The following DENND1B variants were observed in gnomAD, a reference collection of about 807,000 sequenced individuals.
DENND1B encodes the protein DENN domain-containing protein 1B.
A neutral mutation model predicts 90.1 loss-of-function variants in DENND1B; 59 were observed. That is an observed-to-expected ratio of 0.65 (90% CI 0.53 to 0.81). The LOEUF (loss-of-function observed/expected upper bound fraction) is 0.81, where lower values mean the gene tolerates loss of function less well. DENND1B is among the 40% of genes least tolerant of loss of function. The probability of loss-of-function intolerance (pLI) is 0.00; values close to 1 mark genes in which losing one functional copy is unlikely to be tolerated. For missense variants in DENND1B, 862 were observed against 912.6 expected, an observed-to-expected ratio of 0.94 and a Z score of 0.71; for synonymous variants, 337 against 324.6, an observed-to-expected ratio of 1.04 and a Z score of -0.41.
intron 14 of DENND1B, among the ~76,000 whole-genome samples, chr1:197,584,225 A>G (rs899350190): frequency 2.0e-5 from 3 of 152,204 alleles, no homozygotes; most frequent in Non-Finnish European, 4.4e-5. Flanking sequence ...GATATCTTTA[A>G]GTACAATTCT....
At chr1:197,725,727 G>C (rs77576625) in intron 2 of DENND1B, among the ~76,000 whole-genome samples, 3,742 of 151,830 alleles carry the variant, frequency 0.025, 152 homozygotes, top group African/African-American at 0.085. Context: ...AGAGTTAAGG[G>C]GGAACAAGCA....
intron 20 of DENND1B, among the ~76,000 whole-genome samples, chr1:197,523,971 A>AT (rs1668961417): frequency 6.6e-6 from 1 of 151,916 alleles, no homozygotes; most frequent in Non-Finnish European, 1.5e-5. Flanking sequence ...AAGTCAAGTG[A>AT]TAAAAAAAAC....
chr1:197,677,017 C>A (rs917364118), intron 3 of DENND1B, among the ~76,000 whole-genome samples: 3 of 151,770 alleles, frequency 2.0e-5, no homozygotes, highest in African/African-American at 7.3e-5. Flanking sequence ...CAAAAAAAAA[C>A]ACTAACGTTT....
intron 15 of DENND1B, among the ~76,000 whole-genome samples, chr1:197,576,728 C>A (rs1038686826): frequency 3.3e-5 from 5 of 151,964 alleles, no homozygotes; most frequent in African/African-American, 9.7e-5. Flanking sequence ...CCATGGGGGG[C>A]ACTTTTTTGG....
chr1:197,778,619 G>A (rs569871728), upstream of DENND1B, among the ~76,000 whole-genome samples: 2 of 152,096 alleles, frequency 1.3e-5, no homozygotes, highest in Admixed American at 6.5e-5. Context: ...AGAGGTTGCA[G>A]TGAGCCAAGA....
chr1:197,576,511 T>C (rs1001482891), intron 15 of DENND1B, among the ~76,000 whole-genome samples: 13 of 152,200 alleles, frequency 8.5e-5, no homozygotes, highest in Non-Finnish European at 1.9e-4. Flanking sequence ...AAATTTTAGT[T>C]TTATTTTAAT....
intron 10 of DENND1B, among the ~76,000 whole-genome samples, chr1:197,641,982 G>A (rs1680308937): frequency 6.6e-6 from 1 of 151,860 alleles, no homozygotes; most frequent in Non-Finnish European, 1.5e-5. Flanking sequence ...ATACATCATA[G>A]ATTATCTAAA....
intron 2 of DENND1B, among the ~76,000 whole-genome samples, chr1:197,727,914 C>T (rs907327537): frequency 3.9e-5 from 6 of 152,112 alleles, no homozygotes; most frequent in African/African-American, 1.4e-4. Flanking sequence ...GAAAGTTCTT[C>T]CCAATGTCCA....
chr1:197,746,932 C>T, intron 2 of DENND1B: 2 of 1,499,640 alleles, frequency 1.3e-6, no homozygotes, highest in Non-Finnish European at 1.9e-6. Context: ...GCTGGTTTTT[C>T]TGAGTTCCTC....
intron 3 of DENND1B, among the ~76,000 whole-genome samples, chr1:197,706,369 G>A (rs964896426): frequency 6.6e-6 from 1 of 152,058 alleles, no homozygotes; most frequent in African/African-American, 2.4e-5. Flanking sequence ...TGTTGCGTTG[G>A]GCAAAGATTT....
intron 15 of DENND1B, among the ~76,000 whole-genome samples, chr1:197,575,781 A>G (rs756313505): frequency 6.6e-6 from 1 of 152,224 alleles, no homozygotes; most frequent in Non-Finnish European, 1.5e-5. Context: ...TGTCCTTTGC[A>G]GGGACATGGA....
At position 197,706,666 on chromosome 1, in the gene DENND1B, C is replaced by A. The variant is rs563872308; in HGVS notation, c.126+8365G>T. Reference sequence around the variant, plus strand: ...AAGACATAAAAATGGCCAACAGGCACATCAAACAATCTCAGCATCACTAAT... The same window carrying A: ...AAGACATAAAAATGGCCAACAGGCAAATCAAACAATCTCAGCATCACTAAT... On this transcript the variant is annotated intron_variant, in intron 3 of 22. Coordinates refer to ENST00000620048, the MANE Select transcript of DENND1B (RefSeq NM_001195215.2). Among the ~76,000 whole-genome samples, 3 of 152,190 alleles carry A rather than the reference C, an allele frequency of 2.0e-5. No homozygotes were observed. The East Asian group carries it at 5.8e-4, about 29-fold the overall frequency.
chr1:197,725,985 G>GAT (rs910467949), intron 2 of DENND1B, among the ~76,000 whole-genome samples: 48 of 150,620 alleles, frequency 3.2e-4, no homozygotes, highest in African/African-American at 8.1e-4. Flanking sequence ...GAATGACTCA[G>GAT]ATATATATAT....
chr1:197,729,853 C>T (rs1661993627), intron 2 of DENND1B, among the ~76,000 whole-genome samples: 1 of 152,008 alleles, frequency 6.6e-6, no homozygotes, highest in Non-Finnish European at 1.5e-5. Context: ...TAGTAAAGCA[C>T]AAAAATCTTC....
intron 5 of DENND1B, among the ~76,000 whole-genome samples, chr1:197,663,404 C>T (rs1049181641): frequency 7.2e-5 from 11 of 152,072 alleles, no homozygotes; most frequent in African/African-American, 2.7e-4. Context: ...GTAGCCATTG[C>T]TCCTAGAAAC....
intron 10 of DENND1B, among the ~76,000 whole-genome samples, chr1:197,640,667 G>T (rs1038896894): frequency 3.3e-5 from 5 of 151,982 alleles, no homozygotes; most frequent in South Asian, 2.1e-4. Flanking sequence ...AGATTACTTG[G>T]TCATTAAGAG....
At chr1:197,512,093 AC>A in intron 21 of DENND1B, 149 bp from the exon 22 acceptor site, 1 of 588,628 alleles carries the variant, frequency 1.7e-6, no homozygotes, top group Non-Finnish European at 2.9e-6. Flanking sequence ...TGATGTGTAT[AC>A]TAATTCCAAT....
intron 15 of DENND1B, among the ~76,000 whole-genome samples, chr1:197,579,386 T>C (rs1469609051): frequency 6.6e-6 from 1 of 152,226 alleles, no homozygotes; most frequent in Non-Finnish European, 1.5e-5. Context: ...TGCTGTGAAG[T>C]AAGCTGTCAA....
chr1:197,703,997 C>A lies in DENND1B; in HGVS notation c.126+11034G>T, dbSNP rs181502398. Among the ~76,000 whole-genome samples the A allele has an allele frequency of 2.0e-4, 30 of 152,302 alleles. No individual in the cohort carries two copies. In the East Asian group the frequency reaches 5.2e-3, roughly 26 times the overall value. ...CAGACTCATGCCTGTAATCCCAGGA[C>A]TCTGGGAGACCAAGGTGGAAAAAAT... On this transcript the variant is annotated intron_variant, in intron 3 of 22. Coordinates refer to ENST00000620048, the MANE Select transcript of DENND1B (RefSeq NM_001195215.2).
Sources: gnomAD v4.1 joint callset for allele counts (sites outside exome capture counted in the v4.1 genomes callset) on GRCh38, gnomAD v4.1.1 for gene constraint, MANE v1.5 for transcripts, NCBI Gene and HGNC (gene_info 2026-07-23, HGNC 2026-07-21) for gene names.